DNAH10: variants seen among roughly 807,000 people sequenced by gnomAD.
DNAH10 encodes the protein axonemal beta dynein heavy chain 10.
A neutral mutation model predicts 506.6 loss-of-function variants in DNAH10; 348 were observed. That is an observed-to-expected ratio of 0.69 (90% CI 0.63 to 0.75). DNAH10 has a LOEUF of 0.75. DNAH10 is among the 30% of genes least tolerant of loss of function. The pLI, the probability that DNAH10 is intolerant of heterozygous loss-of-function variation, is 0.00. For missense variants in DNAH10, 5,179 were observed against 5,787.1 expected (o/e 0.89, Z 3.41); for synonymous variants, 2,059 against 2,198.6 (o/e 0.94, Z 1.78).
At position 123,909,310 on chromosome 12, in the gene DNAH10, C is replaced by T; in HGVS notation, c.9865C>T (p.Leu3289Phe). ...GGTGCAGACGGTCTGCGAATGCATC[C>T]TCATCATGAAAGGGTACAAAGAGCT... ...KQVQTVCECI[L>F]IMKGYKELNW... Residue 3289 changes from leucine (L) to phenylalanine (F), a missense_variant, in exon 58 of 79, where the codon CTC becomes TTC. By Grantham distance (22) the Leu-to-Phe change is conservative (BLOSUM62 0). Transcript: ENST00000673944. This position sits in a 1 kb window ranked among gnomAD's most constrained non-coding sequence, Gnocchi z 5.4. 1 of 1,613,478 alleles carries T rather than the reference C, an allele frequency of 6.2e-7. No individual in the cohort carries two copies.
In DNAH10 at chr12:123,924,456, T is replaced by C. The variant is rs553548297; in HGVS notation, c.11766+24T>C. The C allele has an allele frequency of 8.1e-6, 13 of 1,603,802 alleles. No homozygotes were observed. The South Asian group carries it at 1.2e-4, about 15-fold the overall frequency. On this transcript the variant is annotated intron_variant, in intron 67 of 78. Coordinates refer to ENST00000673944, the MANE Select transcript of DNAH10 (RefSeq NM_001372106.1). The stretch of plus-strand genomic sequence containing the variant: ...AGGTGAGCCCACGTTCCCTTTCTCC[T>C]CCTCTCCTTCCCCACATGTCAACAA...
intron 1 of DNAH10, among the ~76,000 whole-genome samples, chr12:123,764,663 G>T (rs1206226130): frequency 6.6e-6 from 1 of 152,082 alleles, no homozygotes; most frequent in Non-Finnish European, 1.5e-5. Flanking sequence ...CACCTCAGAG[G>T]GTCCCCCTGG....
chr12:123,814,112 A>C, intron 21 of DNAH10, 200 bp downstream of exon 21: 1 of 503,796 alleles, frequency 2.0e-6, no homozygotes, highest in Non-Finnish European at 3.4e-6. Flanking sequence ...GTATGGCTCA[A>C]ATGGATTGAT....
At chr12:123,920,950 T>A (rs1042056851) in intron 65 of DNAH10, among the ~76,000 whole-genome samples, 2 of 152,144 alleles carry the variant, frequency 1.3e-5, no homozygotes, top group Non-Finnish European at 2.9e-5. Flanking sequence ...TTAAAAAAAA[T>A]TTGTAGAGAT....
chr12:123,926,679 G>C lies in DNAH10; in HGVS notation c.11964G>C (p.Glu3988Asp), dbSNP rs758520868. 1.1e-5 allele frequency: 18 copies of C among 1,613,730 alleles called. No homozygotes were observed. Among genetic ancestry groups the C allele is most frequent in the Admixed American group, 8.3e-5 (5 of 59,958 alleles). ...PPMISFEAIF[E>D]QSTPHSPIVF... ...TGATCAGCTTTGAAGCTATTTTTGA[G>C]CAGAGCACTCCACATTCGCCCATTG... The change falls in exon 69 of 79, where the codon GAG (glutamate) becomes GAC (aspartate). Residue 3988 changes from glutamate to aspartate, a missense_variant. Glu to Asp is a conservative substitution (Grantham distance 45). Around this residue, in one of 3 missense-constraint regions of DNAH10, gnomAD observed 4,844 missense variants for 5,430.5 expected, o/e 0.89. Coordinates refer to ENST00000673944, the MANE Select transcript of DNAH10 (RefSeq NM_001372106.1). This position sits in a 1 kb window ranked among gnomAD's most constrained non-coding sequence, Gnocchi z 4.1.
Position 123,917,947 on chromosome 12 carries a change from T to C in DNAH10, c.11232+134T>C. The C allele has an allele frequency of 4.1e-6, 4 of 968,296 alleles. No homozygotes were observed. Among genetic ancestry groups the C allele is most frequent in the Non-Finnish European group, 6.1e-6 (4 of 654,900 alleles). The allele number at this position is 968,296 out of a possible 1,614,324, so 60.0% of individuals were successfully genotyped here. A position where few individuals can be genotyped will look rare whatever the true frequency, so the allele number is the denominator to read the frequency against. On this transcript the variant is annotated intron_variant, in intron 64 of 78. Coordinates refer to ENST00000673944, the MANE Select transcript of DNAH10 (RefSeq NM_001372106.1). The surrounding 1 kb of genome is among the most constrained non-coding windows in gnomAD (Gnocchi z 5.6). Reference sequence around the variant, plus strand: ...GGCTAAAAACCCACCTCTATTGGGATGTGCTGTGGGGAGGGGAGCCCTAAA... The same window carrying C: ...GGCTAAAAACCCACCTCTATTGGGACGTGCTGTGGGGAGGGGAGCCCTAAA...
Position 123,850,954 on chromosome 12 carries a change from G to T in DNAH10, c.6169G>T (p.Ala2057Ser), listed in dbSNP as rs767489276. ...GIFITMNPGY[A>S]GRTELPESVK... is the part of the protein sequence containing the mutation. ...CTTCATCACCATGAACCCCGGCTAC[G>T]CAGGCCGCACGGAGCTGCCCGAGTC... Residue 2057 changes from alanine to serine, a missense_variant, in exon 35 of 79, where the codon GCA (alanine) becomes TCA (serine). Around this residue, in one of 3 missense-constraint regions of DNAH10, gnomAD observed 4,844 missense variants for 5,430.5 expected, o/e 0.89. Transcript: ENST00000673944. This position sits in a 1 kb window ranked among gnomAD's most constrained non-coding sequence, Gnocchi z 5.5. 2.3e-5 allele frequency: 37 copies of T among 1,613,952 alleles called. No homozygotes were observed. The highest frequency in any genetic ancestry group is 3.1e-5 in the Non-Finnish European group (36 of 1,179,926).
rs182004512 is a variant in DNAH10 at position 123,898,775 on chromosome 12, G to A, written c.9601G>A (p.Glu3201Lys). Residue 3201 changes from glutamate to lysine, a missense_variant, in exon 56 of 79, where the codon GAG becomes AAG. Coordinates refer to ENST00000673944, the MANE Select transcript of DNAH10 (RefSeq NM_001372106.1). Reference sequence around the variant, plus strand: ...GCTGGCGGAGAAGTCCGCCGCCTGCGAGGCCTTGCTGGAGGAGATCGCCGT... The same window carrying A: ...GCTGGCGGAGAAGTCCGCCGCCTGCAAGGCCTTGCTGGAGGAGATCGCCGT... Reference protein sequence around the residue: ...IVLAEKSAACEALLEEIAVNT... With the variant: ...IVLAEKSAACKALLEEIAVNT... The A allele has an allele frequency of 6.8e-6, 11 of 1,612,824 alleles. No individual in the cohort carries two copies. Among genetic ancestry groups the A allele is most frequent in the Middle Eastern group, 3.3e-4 (2 of 6,032 alleles).
intron 11 of DNAH10, among the ~76,000 whole-genome samples, chr12:123,790,445 A>G (rs1958035880): frequency 6.6e-6 from 1 of 152,188 alleles, no homozygotes; most frequent in Non-Finnish European, 1.5e-5. Context: ...TGGCAAGAGA[A>G]TCACAAAGCG....
intron 26 of DNAH10, 27 bp downstream of exon 26, chr12:123,830,726 G>A (rs1450025527): frequency 6.4e-7 from 1 of 1,568,472 alleles, no homozygotes; most frequent in South Asian, 1.2e-5. Context: ...AAACAGGCTG[G>A]AGAAAACAGT....
Position 123,820,755 on chromosome 12 carries a change from A to G in DNAH10, c.4176A>G (p.Leu1392=). The G allele has an allele frequency of 6.2e-7, 1 of 1,613,930 alleles. No individual in the cohort carries two copies. The highest frequency in any genetic ancestry group is 1.3e-5 in the African/African-American group (1 of 75,048). The stretch of plus-strand genomic sequence containing the variant: ...TGATTTACGAGCTCTATGAAGGACT[A>G]AAGGTGAGCATCTCCCTGAAAGCGA... ...LRMIYELYEG[L]KVAKEEWSQT... is the part of the protein sequence containing the mutation. Residue 1392 remains leucine (L), a synonymous_variant, in exon 24 of 79, where the codon CTA becomes CTG. Coordinates refer to ENST00000673944, the MANE Select transcript of DNAH10 (RefSeq NM_001372106.1).
Position 123,787,684 on chromosome 12 carries a change from G to T in DNAH10, c.1422-120G>T. On this transcript the variant is annotated intron_variant, in intron 9 of 78. Transcript: ENST00000673944. The surrounding 1 kb of genome is among the most constrained non-coding windows in gnomAD (Gnocchi z 4.6). ...CCGCTCTGCCTTTTCCGATGAGGCC[G>T]TGAAACCAGGGGGGGCGCCCGGGTC... is the stretch of plus-strand genomic sequence containing the variant. 1 of 1,229,948 alleles carries T rather than the reference G, an allele frequency of 8.1e-7. No homozygotes were observed. Among genetic ancestry groups the T allele is most frequent in the Non-Finnish European group, 1.1e-6 (1 of 874,898 alleles). 76.2% of individuals were successfully genotyped at this position (1,229,948 alleles called of 1,614,324 possible).
chr12:123,901,764 G>A (rs976772661), intron 56 of DNAH10, among the ~76,000 whole-genome samples: 1 of 152,132 alleles, frequency 6.6e-6, no homozygotes, highest in Non-Finnish European at 1.5e-5. Flanking sequence ...GGGTTTAAGC[G>A]ATTCTCCTGC....
chr12:123,874,638 T>TCCA (rs1329063228), intron 46 of DNAH10, among the ~76,000 whole-genome samples: 17 of 151,722 alleles, frequency 1.1e-4, no homozygotes, highest in African/African-American at 4.1e-4. Flanking sequence ...CATCCATCCA[T>TCCA]TCAATGGATG....
chr12:123,820,530 G>T, intron 23 of DNAH10, 50 bp from the exon 24 acceptor site: 1 of 1,547,168 alleles, frequency 6.5e-7, no homozygotes, highest in Non-Finnish European at 8.8e-7. Flanking sequence ...ATTCAATTTT[G>T]TACACCTTAA....
At chr12:123,830,841 G>A (rs1355801246) in intron 26 of DNAH10, 142 bp downstream of exon 26, 1 of 883,104 alleles carries the variant, frequency 1.1e-6, no homozygotes, top group Admixed American at 3.5e-5. Context: ...TTCTTGGGAG[G>A]CTGAGGTGGG....
At position 123,933,379 on chromosome 12, in the gene DNAH10, CCT is replaced by C. The variant is rs1955309614; in HGVS notation, c.13346_13347del (p.Pro4449ArgfsTer36). 3.1e-6 allele frequency: 5 copies of C among 1,610,432 alleles called. No individual in the cohort carries two copies. The highest frequency in any genetic ancestry group is 4.2e-6 in the Non-Finnish European group (5 of 1,179,274). On this transcript the variant is annotated frameshift_variant, in exon 77 of 79. Transcript: ENST00000673944. LOFTEE classifies it high-confidence loss of function. ...GATGTGGCTCTCGGGGCTGCACATC[CCT>C]GAGTCCTACCTCACGGCGCTGGTGC... ...SVMWLSGLHI[P>X]ESYLTALVQA...
At chr12:123,827,126 C>T (rs903255931) in intron 25 of DNAH10, among the ~76,000 whole-genome samples, 1 of 113,224 alleles carries the variant, frequency 8.8e-6, no homozygotes, top group Admixed American at 7.9e-5. Flanking sequence ...CCAGCAGGTG[C>T]AAAGTGGGCG....
In DNAH10 at chr12:123,861,065, T is replaced by C; in HGVS notation, c.6803T>C (p.Ile2268Thr). Residue 2268 changes from isoleucine to threonine, a missense_variant, in exon 39 of 79, where the codon ATA becomes ACA. Around this residue, in one of 3 missense-constraint regions of DNAH10, gnomAD observed 4,844 missense variants for 5,430.5 expected, o/e 0.89. Transcript: ENST00000673944. ...YILNPKAVSV[I>T]ELYGILDPTT... ...CTGAACCCCAAAGCCGTGAGTGTCA[T>C]AGAACTCTACGGCATCCTGGACCCA... 6.2e-7 allele frequency: 1 copy of C among 1,613,990 alleles called. No individual in the cohort carries two copies. Among genetic ancestry groups the C allele is most frequent in the Non-Finnish European group, 8.5e-7 (1 of 1,179,902 alleles).
Sources: gnomAD v4.1 joint callset for allele counts (sites outside exome capture counted in the v4.1 genomes callset) on GRCh38, gnomAD v4.1.1 for gene constraint, gnomAD v4.1.1 regional missense constraint, Gnocchi (gnomAD v3.1) non-coding constraint, MANE v1.5 for transcripts, NCBI Gene and HGNC (gene_info 2026-07-23, HGNC 2026-07-21) for gene names.